The following DOCK11 variants were observed in gnomAD, a reference collection of about 807,000 sequenced individuals.
The protein encoded by DOCK11 is dedicator of cytokinesis 11.
Under a neutral mutation model 169.1 loss-of-function variants are expected in DOCK11, and 70 were observed. That is an observed-to-expected ratio of 0.41 (90% CI 0.34 to 0.51). The LOEUF (loss-of-function observed/expected upper bound fraction) is 0.51. Ranked by LOEUF, DOCK11 falls within the 20% of genes least tolerant of loss-of-function variation. The probability of loss-of-function intolerance (pLI) is 0.10; values close to 1 mark genes in which losing one functional copy is unlikely to be tolerated. For synonymous variants in DOCK11, 529 were observed against 541.3 expected (o/e 0.98, Z 0.32); for missense variants, 1,166 against 1,538.8 (o/e 0.76, Z 4.05).
intron 11 of DOCK11, among the ~76,000 whole-genome samples, chrX:118,572,936 G>A (rs1045813912): frequency 1.8e-5 from 2 of 111,660 alleles, no homozygotes; most frequent in Admixed American, 9.6e-5. Flanking sequence ...AAATTGGTTC[G>A]TAGCAATGAG....
intron 30 of DOCK11, among the ~76,000 whole-genome samples, chrX:118,617,333 T>C (rs1469586516): frequency 5.5e-5 from 6 of 108,425 alleles, no homozygotes; most frequent in Admixed American, 1.0e-4. Context: ...CTACTAAAAA[T>C]ACAAAAAAAT....
At chrX:118,590,390 TTCAA>T in intron 19 of DOCK11, 88 bp downstream of exon 19, 1 of 758,489 alleles carries the variant, frequency 1.3e-6, no homozygotes, top group Non-Finnish European at 2.0e-6. Context: ...TACCAGCACT[TTCAA>T]TCCCTGAGTG....
intron 42 of DOCK11, among the ~76,000 whole-genome samples, chrX:118,652,778 C>T (rs2015976588): frequency 8.9e-6 from 1 of 112,316 alleles, no homozygotes; most frequent in Non-Finnish European, 1.9e-5. Context: ...TAGGACTTTT[C>T]CTCCCAGAAG....
At position 118,685,914 on chromosome X, in the gene DOCK11, G is replaced by T; in HGVS notation, c.*107G>T. 9.8e-7 allele frequency: 1 copy of T among 1,017,791 alleles called. No individual in the cohort carries two copies. Among genetic ancestry groups the T allele is most frequent in the South Asian group, 3.0e-5 (1 of 33,735 alleles). The allele number at this position is 1,017,791 out of a possible 1,213,427, so 83.9% of individuals were successfully genotyped here. ...TGATATACATGGAGTGTTTCTTCTC[G>T]ACACCAAAATTTTCATGTGTTCCAA... On this transcript the variant is annotated 3_prime_UTR_variant, in exon 53 of 53. Coordinates refer to ENST00000276202, the MANE Select transcript of DOCK11 (RefSeq NM_144658.4).
chrX:118,575,065 C>T (rs895478792), intron 12 of DOCK11, among the ~76,000 whole-genome samples: 2 of 111,632 alleles, frequency 1.8e-5, no homozygotes, highest in African/African-American at 6.5e-5. Context: ...AATAAAAATA[C>T]TATTCTTTTT....
At chrX:118,674,627 A>G (rs1005979273) in intron 46 of DOCK11, among the ~76,000 whole-genome samples, 11 of 112,044 alleles carry the variant, frequency 9.8e-5, no homozygotes, top group African/African-American at 3.6e-4. Flanking sequence ...TGTTGTAAAC[A>G]TTCATGTGCA....
intron 27 of DOCK11, among the ~76,000 whole-genome samples, chrX:118,610,031 G>A (rs1005860543): frequency 5.4e-5 from 6 of 111,779 alleles, no homozygotes; most frequent in African/African-American, 2.0e-4. Context: ...CCAAAGTTGG[G>A]GCAGAACAAC....
intron 1 of DOCK11, among the ~76,000 whole-genome samples, chrX:118,506,304 A>G (rs1262602987): frequency 5.4e-5 from 6 of 111,228 alleles, no homozygotes; most frequent in Non-Finnish European, 1.1e-4. Flanking sequence ...CTTTATTGTT[A>G]TCCCTTTCAC....
chrX:118,627,394 T>C, intron 32 of DOCK11, 110 bp from the exon 33 acceptor site: 1 of 587,503 alleles, frequency 1.7e-6, no homozygotes, highest in South Asian at 2.7e-5. Context: ...ATTTAGACTT[T>C]CACAGTGAGC....
chrX:118,677,884 A>G (rs1034092965), intron 48 of DOCK11, among the ~76,000 whole-genome samples: 1 of 112,174 alleles, frequency 8.9e-6, no homozygotes, highest in African/African-American at 3.2e-5. Flanking sequence ...ATTACTGTAT[A>G]AATGGAAAGG....
At chrX:118,606,320 C>T (rs1425421060) in intron 24 of DOCK11, among the ~76,000 whole-genome samples, 2 of 111,501 alleles carry the variant, frequency 1.8e-5, no homozygotes, top group Non-Finnish European at 3.8e-5. Flanking sequence ...CCATCCGCCT[C>T]GGCCTCCCAG....
intron 14 of DOCK11, among the ~76,000 whole-genome samples, chrX:118,580,779 A>T (rs1363918723): frequency 9.0e-6 from 1 of 111,665 alleles, no homozygotes; most frequent in Non-Finnish European, 1.9e-5. Flanking sequence ...TAGTCATGGA[A>T]TTTTTTCAGA....
intron 6 of DOCK11, among the ~76,000 whole-genome samples, chrX:118,555,896 T>G (rs1456985795): frequency 9.0e-6 from 1 of 111,357 alleles, no homozygotes; most frequent in Non-Finnish European, 1.9e-5. Context: ...CTACCTACTC[T>G]GCCTCTAAAC....
In DOCK11 at chrX:118,614,694, C is replaced by T. The variant is rs764058723; in HGVS notation, c.3099C>T (p.Arg1033=). The T allele has an allele frequency of 1.7e-6, 2 of 1,170,065 alleles. No individual in the cohort carries two copies. The highest frequency in any genetic ancestry group is 2.3e-5 in the Admixed American group (1 of 43,928). Residue 1033 remains arginine (R), a splice_region_variant and synonymous_variant, in exon 29 of 53, where the codon CGC becomes CGT. Transcript: ENST00000276202. ...TAGTTTTGTTTTGGTTTCTATAGCGCTGTTTGACACTAATGGATAGAGGAT... is the reference window on the plus strand; with the variant it reads ...TAGTTTTGTTTTGGTTTCTATAGCGTTGTTTGACACTAATGGATAGAGGAT... The part of the protein sequence containing the change: ...VNYSLASFLK[R]CLTLMDRGFI...
At chrX:118,680,773 C>A in intron 49 of DOCK11, 81 bp downstream of exon 49, 1 of 805,613 alleles carries the variant, frequency 1.2e-6, no homozygotes, top group Admixed American at 3.2e-5. Context: ...CCAGCTGGAA[C>A]ATACAACTGA....
At chrX:118,572,518 T>C in intron 11 of DOCK11, 55 bp downstream of exon 11, 4 of 1,084,605 alleles carry the variant, frequency 3.7e-6, no homozygotes, top group Non-Finnish European at 4.9e-6. Context: ...AAGAAATGTC[T>C]TTCTCAAAAT....
intron 1 of DOCK11, among the ~76,000 whole-genome samples, chrX:118,528,025 G>C (rs963481108): frequency 2.7e-5 from 3 of 112,800 alleles, no homozygotes; most frequent in African/African-American, 9.7e-5. Flanking sequence ...TGGCATCATT[G>C]TGGAGGCATC....
intron 1 of DOCK11, among the ~76,000 whole-genome samples, chrX:118,541,677 G>T (rs931572367): frequency 4.1e-4 from 46 of 112,171 alleles, no homozygotes; most frequent in African/African-American, 1.4e-3. Flanking sequence ...AGTGTTACAT[G>T]AAAAAATGTA....
At chrX:118,543,114 A>G in intron 3 of DOCK11, 99 bp downstream of exon 3, 1 of 617,661 alleles carries the variant, frequency 1.6e-6, no homozygotes, top group Admixed American at 3.8e-5. Context: ...TTATAAATAC[A>G]TAAATGTAAA....
Sources: gnomAD v4.1 joint callset for allele counts (sites outside exome capture counted in the v4.1 genomes callset) on GRCh38, gnomAD v4.1.1 for gene constraint, MANE v1.5 for transcripts, NCBI Gene and HGNC (gene_info 2026-07-23, HGNC 2026-07-21) for gene names.